Variants in RTKN2 observed in about 807,000 individuals in gnomAD.
RTKN2 encodes rhotekin-2.
Under a neutral mutation model 71.5 loss-of-function variants are expected in RTKN2, and 69 were observed. The observed-to-expected ratio is 0.96, with a 90% CI of 0.79 to 1.18. RTKN2 has a LOEUF of 1.18. Ranked by LOEUF, RTKN2 falls within the 50% of genes most tolerant of loss-of-function variation. The probability of loss-of-function intolerance (pLI) is 0.00; values close to 1 mark genes in which losing one functional copy is unlikely to be tolerated. For synonymous variants in RTKN2, 236 were observed against 236.5 expected, an observed-to-expected ratio of 1.00 and a Z score of 0.02; for missense variants, 724 against 719.7, an observed-to-expected ratio of 1.01 and a Z score of -0.07.
chr10:62,254,616 G>T (rs1182364080), intron 2 of RTKN2, among the ~76,000 whole-genome samples: 1 of 151,972 alleles, frequency 6.6e-6, no homozygotes, highest in African/African-American at 2.4e-5. Context: ...GAACTGCAAA[G>T]AACTTATTTT....
At chr10:62,213,122 T>C (rs1050203864) in intron 9 of RTKN2, among the ~76,000 whole-genome samples, 1 of 152,154 alleles carries the variant, frequency 6.6e-6, no homozygotes, top group Non-Finnish European at 1.5e-5. Flanking sequence ...AGAAGGAAAG[T>C]AGTATGAGAA....
chr10:62,186,875 G>A (rs1841144334), intron 8 of RTKN2, among the ~76,000 whole-genome samples: 1 of 152,158 alleles, frequency 6.6e-6, no homozygotes, highest in Non-Finnish European at 1.5e-5. Flanking sequence ...AGTTGGTTGA[G>A]TACATTTTTC....
intron 2 of RTKN2, among the ~76,000 whole-genome samples, chr10:62,256,416 C>A (rs1327244897): frequency 6.6e-6 from 1 of 152,026 alleles, no homozygotes; most frequent in Non-Finnish European, 1.5e-5. Flanking sequence ...CTGCATAGAT[C>A]TTGACTGAAT....
At chr10:62,235,263 TACAG>T (rs1039040905) in intron 6 of RTKN2, among the ~76,000 whole-genome samples, 2 of 152,122 alleles carry the variant, frequency 1.3e-5, no homozygotes, top group African/African-American at 4.8e-5. Context: ...GCAATATGAA[TACAG>T]ACTGGATATT....
intron 7 of RTKN2, among the ~76,000 whole-genome samples, chr10:62,219,669 C>T (rs368557998): frequency 4.6e-5 from 7 of 152,076 alleles, no homozygotes; most frequent in African/African-American, 1.2e-4. Context: ...GACATTTAAG[C>T]TGAGTGTGGT....
chr10:62,205,009 C>T lies in RTKN2; in HGVS notation c.1034G>A (p.Arg345Gln), dbSNP rs150219243. 118 of 1,579,920 alleles carry T rather than the reference C, an allele frequency of 7.5e-5. 1 individual carries two copies. The highest frequency in any genetic ancestry group is 1.6e-4 in the Admixed American group (8 of 50,422). ...VVPINKETRI[R>Q]AMDKDAKKRI... is the part of the protein sequence containing the mutation. ...TTTCTTGGCATCCTTATCCATTGCC[C>T]GGATTCTGGTTTCCTAAAAATTAAG... The change falls in exon 10 of 12, where the codon CGG (arginine) becomes CAG (glutamine). Residue 345 changes from arginine (R) to glutamine (Q), a missense_variant. Coordinates refer to ENST00000373789, the MANE Select transcript of RTKN2 (RefSeq NM_145307.4).
intron 3 of RTKN2, among the ~76,000 whole-genome samples, chr10:62,245,140 A>G (rs1842453283): frequency 6.6e-6 from 1 of 152,160 alleles, no homozygotes; most frequent in Non-Finnish European, 1.5e-5. Flanking sequence ...TGGCATCTCC[A>G]AGCCATTGTC....
chr10:62,224,874 C>T (rs1029327991), intron 6 of RTKN2, among the ~76,000 whole-genome samples: 4 of 152,002 alleles, frequency 2.6e-5, no homozygotes, highest in South Asian at 2.1e-4. Context: ...CATGGTGCAA[C>T]GCAAGGCTGG....
At position 62,268,728 on chromosome 10, in the gene RTKN2, A is replaced by G; in HGVS notation, c.-118T>C. On this transcript the variant is annotated 5_prime_UTR_variant, in exon 1 of 12. Transcript: ENST00000373789. ...CCCGGCCGTACCAAGTCCCAGTCGCAGGGGCCGGGGGCGCAGGAGGAGCCG... is the reference window on the plus strand; with the variant it reads ...CCCGGCCGTACCAAGTCCCAGTCGCGGGGGCCGGGGGCGCAGGAGGAGCCG... 3 of 1,093,204 alleles carry G rather than the reference A, an allele frequency of 2.7e-6. No individual in the cohort carries two copies. In the South Asian group the frequency reaches 4.7e-5, roughly 17 times the overall value. The allele number at this position is 1,093,204 out of a possible 1,614,324, so 67.7% of individuals were successfully genotyped here. A position where few individuals can be genotyped will look rare whatever the true frequency, so the allele number is the denominator to read the frequency against.
Position 62,198,442 on chromosome 10 carries a change from G to T in RTKN2, c.1296C>A (p.Ser432Arg). The T allele has an allele frequency of 2.8e-6, 4 of 1,448,818 alleles. No individual in the cohort carries two copies. Among genetic ancestry groups the T allele is most frequent in the Non-Finnish European group, 3.7e-6 (4 of 1,072,954 alleles). The allele number at this position is 1,448,818 out of a possible 1,614,324, so 89.7% of individuals were successfully genotyped here. ...TTTCAAGTTTCATAGGTGAATCAAT[G>T]CCTATAATAATTTTAAGAAAAAAAA... Reference protein sequence around the residue: ...KEATSVYHDMSIDSPMKLESL... With the variant: ...KEATSVYHDMRIDSPMKLESL... Residue 432 changes from serine to arginine, a missense_variant and splice_region_variant, in exon 12 of 12, where the codon AGC becomes AGA. Physicochemically the swap from Ser to Arg is moderately radical, Grantham distance 110. Coordinates refer to ENST00000373789, the MANE Select transcript of RTKN2 (RefSeq NM_145307.4).
chr10:62,229,652 C>T (rs763902674), intron 6 of RTKN2, among the ~76,000 whole-genome samples: 1 of 152,118 alleles, frequency 6.6e-6, no homozygotes, highest in Non-Finnish European at 1.5e-5. Context: ...TTAGTGTGCA[C>T]AGGAAGAAAC....
chr10:62,223,179 AC>A, intron 7 of RTKN2, 58 bp downstream of exon 7: 1 of 945,744 alleles, frequency 1.1e-6, no homozygotes, highest in South Asian at 1.6e-5. Context: ...AGGGGAACAT[AC>A]TATAATTAGA....
intron 2 of RTKN2, among the ~76,000 whole-genome samples, chr10:62,252,419 T>G (rs1225828252): frequency 6.6e-6 from 1 of 152,056 alleles, no homozygotes; most frequent in Non-Finnish European, 1.5e-5. Context: ...GAAACCGTAC[T>G]CATGTGGAAG....
chr10:62,198,830 TA>T (rs1337719575), intron 11 of RTKN2, among the ~76,000 whole-genome samples: 1 of 152,194 alleles, frequency 6.6e-6, no homozygotes, highest in Non-Finnish European at 1.5e-5. Context: ...TTCCTGGATT[TA>T]AAACCTTATT....
intron 9 of RTKN2, among the ~76,000 whole-genome samples, chr10:62,216,825 A>C (rs528968379): frequency 1.3e-5 from 2 of 152,202 alleles, no homozygotes; most frequent in Non-Finnish European, 2.9e-5. Flanking sequence ...TTAATCTCTT[A>C]AGTAAATTCA....
chr10:62,242,744 C>T (rs1367766654), intron 3 of RTKN2, among the ~76,000 whole-genome samples: 1 of 152,016 alleles, frequency 6.6e-6, no homozygotes, highest in Non-Finnish European at 1.5e-5. Context: ...ATTCTCCTGC[C>T]TCAGCCTCTG....
chr10:62,265,695 C>G (rs774280646), intron 1 of RTKN2, among the ~76,000 whole-genome samples: 15 of 151,844 alleles, frequency 9.9e-5, no homozygotes, highest in Non-Finnish European at 1.6e-4. Flanking sequence ...GCAGTGCTAG[C>G]TCTAGCAAGG....
At chr10:62,205,743 C>T (rs1024919416) in intron 9 of RTKN2, among the ~76,000 whole-genome samples, 2 of 152,140 alleles carry the variant, frequency 1.3e-5, no homozygotes, top group South Asian at 2.1e-4. Flanking sequence ...ATTATGATGA[C>T]ACTTATTGAT....
Position 62,223,318 on chromosome 10 carries a change from T to C in RTKN2, c.701A>G (p.Asn234Ser), listed in dbSNP as rs748256231. 5 of 1,602,488 alleles carry C rather than the reference T, an allele frequency of 3.1e-6. No homozygotes were observed. In the South Asian group the frequency reaches 4.4e-5, roughly 14 times the overall value. ...GGTTAGGGTAGTGTGAGCTAGCAAA[T>C]TATACTTTACACCACTAATAGTAAG... ...LSSAVFGVKY[N>S]LLAHTTLTLE... Residue 234 changes from asparagine to serine, a missense_variant, in exon 7 of 12, where the codon AAT becomes AGT. Asn to Ser is a conservative substitution (Grantham distance 46). Coordinates refer to ENST00000373789, the MANE Select transcript of RTKN2 (RefSeq NM_145307.4).
Sources: allele counts gnomAD v4.1 joint callset (sites outside exome capture counted in the v4.1 genomes callset), GRCh38; gene constraint gnomAD v4.1.1; transcripts MANE v1.5; gene names NCBI Gene and HGNC (gene_info 2026-07-23, HGNC 2026-07-21).